CADM2: variants seen among roughly 807,000 people sequenced by gnomAD.
CADM2 encodes the protein immunoglobulin superfamily member 4D.
Under a neutral mutation model 49.8 loss-of-function variants are expected in CADM2, and 12 were observed. That is an observed-to-expected ratio of 0.24 (90% CI 0.15 to 0.39). The LOEUF (loss-of-function observed/expected upper bound fraction) is 0.39. Ranked by LOEUF, CADM2 falls within the 10% of genes least tolerant of loss-of-function variation. The pLI is 1.00. For missense variants in CADM2, 378 were observed against 492.3 expected, an observed-to-expected ratio of 0.77 and a Z score of 2.20; for synonymous variants, 214 against 175.4, an observed-to-expected ratio of 1.22 and a Z score of -1.74.
chr3:85,616,340 A>G lies in CADM2; in HGVS notation c.62-110182A>G, dbSNP rs549727448. Among the ~76,000 whole-genome samples the G allele has an allele frequency of 2.6e-5, 4 of 152,232 alleles. No individual in the cohort carries two copies. The South Asian group carries it at 8.3e-4, about 32-fold the overall frequency. ...AAGTATAGCATAAAATAGAATTTAC[A>G]TACATATAAATAGCATTCAAAAGAA... On this transcript the variant is annotated intron_variant, in intron 1 of 9. Coordinates refer to ENST00000383699, the MANE Select transcript of CADM2 (RefSeq NM_001167675.2).
intron 1 of CADM2, among the ~76,000 whole-genome samples, chr3:85,403,039 A>G (rs2035195096): frequency 6.6e-6 from 1 of 152,166 alleles, no homozygotes; most frequent in Non-Finnish European, 1.5e-5. Flanking sequence ...GGTTAGGGTG[A>G]AGCTATTCTC....
chr3:85,522,393 G>A (rs905861257), intron 1 of CADM2, among the ~76,000 whole-genome samples: 1 of 152,066 alleles, frequency 6.6e-6, no homozygotes, highest in Non-Finnish European at 1.5e-5. Context: ...AATGCTTCAT[G>A]CAGTTCGTCC....
chr3:86,050,852 C>T (rs1737251690), intron 8 of CADM2, among the ~76,000 whole-genome samples: 1 of 152,172 alleles, frequency 6.6e-6, no homozygotes, highest in Non-Finnish European at 1.5e-5. Flanking sequence ...CCTAGGAGGA[C>T]AGAACGAAAC....
intron 1 of CADM2, among the ~76,000 whole-genome samples, chr3:85,023,246 CT>C (rs1380960007): frequency 2.6e-5 from 4 of 151,878 alleles, no homozygotes. Flanking sequence ...TGTTTTTGTT[CT>C]GTTTGTTTGG....
intron 1 of CADM2, among the ~76,000 whole-genome samples, chr3:85,222,550 G>A (rs374745195): frequency 5.3e-5 from 8 of 152,002 alleles, no homozygotes; most frequent in South Asian, 2.1e-4. Context: ...CACCTCTTTC[G>A]CTGTCACATA....
chr3:85,438,123 A>C (rs1218845754), intron 1 of CADM2, among the ~76,000 whole-genome samples: 1 of 152,032 alleles, frequency 6.6e-6, no homozygotes, highest in African/African-American at 2.4e-5. Flanking sequence ...TTGAATTCTT[A>C]TTTATTTATT....
intron 2 of CADM2, among the ~76,000 whole-genome samples, chr3:85,741,580 A>G (rs1280457794): frequency 1.3e-5 from 2 of 152,168 alleles, no homozygotes; most frequent in African/African-American, 4.8e-5. Context: ...AGGCAGGAGA[A>G]TCACTTGAAC....
chr3:85,055,966 A>G (rs187342972), intron 1 of CADM2, among the ~76,000 whole-genome samples: 4 of 152,200 alleles, frequency 2.6e-5, no homozygotes, highest in African/African-American at 9.6e-5. Context: ...AAATCAAATT[A>G]TAATAGCCCA....
intron 1 of CADM2, among the ~76,000 whole-genome samples, chr3:85,050,641 G>T (rs925440623): frequency 1.3e-5 from 2 of 152,156 alleles, no homozygotes; most frequent in African/African-American, 2.4e-5. Context: ...AATATGGTCT[G>T]TAGGTAGCAG....
intron 1 of CADM2, among the ~76,000 whole-genome samples, chr3:85,049,786 G>T (rs930610059): frequency 1.3e-5 from 2 of 152,132 alleles, no homozygotes; most frequent in African/African-American, 4.8e-5. Flanking sequence ...GTGTTCAGTT[G>T]TTCCTGAAAA....
chr3:85,811,527 T>A (rs1356166941), intron 3 of CADM2, among the ~76,000 whole-genome samples: 2 of 152,204 alleles, frequency 1.3e-5, no homozygotes, highest in South Asian at 2.1e-4. Flanking sequence ...CTATTTCATG[T>A]TGAATAGAGC....
intron 1 of CADM2, among the ~76,000 whole-genome samples, chr3:85,276,688 T>C (rs2043363942): frequency 6.6e-6 from 1 of 151,044 alleles, no homozygotes; most frequent in Non-Finnish European, 1.5e-5. Flanking sequence ...TGTTTTAAGG[T>C]GGTTTATGAA....
At position 86,014,341 on chromosome 3, in the gene CADM2, G is replaced by A. The variant is rs12629171; in HGVS notation, c.971-51264G>A. 6.2e-3 allele frequency: 8,574 copies of A among 1,389,072 alleles called. 225 individuals carry two copies. In the African/African-American group the frequency reaches 0.062, roughly 10 times the overall value. The allele number at this position is 1,389,072 out of a possible 1,614,324, so 86.0% of individuals were successfully genotyped here. ...AGAGCCTTTGGGGAAAATCTCCAGGGGCAAACCTCTGATGTCTTATTTGCA... is the reference window on the plus strand; with the variant it reads ...AGAGCCTTTGGGGAAAATCTCCAGGAGCAAACCTCTGATGTCTTATTTGCA... On this transcript the variant is annotated intron_variant, in intron 8 of 9. Transcript: ENST00000383699.
intron 1 of CADM2, among the ~76,000 whole-genome samples, chr3:85,527,832 C>G (rs1242741642): frequency 6.6e-6 from 1 of 152,194 alleles, no homozygotes; most frequent in Non-Finnish European, 1.5e-5. Flanking sequence ...ATTAACAATA[C>G]TCTGAATCAT....
In CADM2 at chr3:85,290,097, T is replaced by G. The variant is rs111289613; in HGVS notation, c.61+330429T>G. ...CAGTGGGTGTGTGCACCGTGGGCGA[T>G]CCGAAGCAGGGTGAGGCATTGCTTC... On this transcript the variant is annotated intron_variant, in intron 1 of 9. Coordinates refer to ENST00000383699, the MANE Select transcript of CADM2 (RefSeq NM_001167675.2). Among the ~76,000 whole-genome samples, 1,059 of 152,018 alleles carry G rather than the reference T, an allele frequency of 7.0e-3. 10 individuals are homozygous for G. The highest frequency in any genetic ancestry group is 0.023 in the African/African-American group (970 of 41,478).
At chr3:85,144,402 A>G (rs2039669983) in intron 1 of CADM2, among the ~76,000 whole-genome samples, 1 of 151,978 alleles carries the variant, frequency 6.6e-6, no homozygotes, top group Non-Finnish European at 1.5e-5. Context: ...CTTGAGATCA[A>G]GGGTTCGTGA....
At chr3:85,623,701 A>T (rs2064041080) in intron 1 of CADM2, among the ~76,000 whole-genome samples, 1 of 152,166 alleles carries the variant, frequency 6.6e-6, no homozygotes, top group Admixed American at 6.6e-5. Context: ...TGATATATAA[A>T]CCCAAATGTT....
At chr3:85,880,028 T>A (rs1222114749) in intron 3 of CADM2, among the ~76,000 whole-genome samples, 3 of 152,190 alleles carry the variant, frequency 2.0e-5, no homozygotes, top group Non-Finnish European at 2.9e-5. Flanking sequence ...CCATCCCTAG[T>A]CCTTGGCAAC....
chr3:85,669,159 G>A (rs1356329473), intron 1 of CADM2, among the ~76,000 whole-genome samples: 3 of 151,718 alleles, frequency 2.0e-5, no homozygotes, highest in Non-Finnish European at 2.9e-5. Context: ...TATTCTTCTT[G>A]TTTTAAGGAA....
Sources: allele counts gnomAD v4.1 joint callset (sites outside exome capture counted in the v4.1 genomes callset), GRCh38; gene constraint gnomAD v4.1.1; transcripts MANE v1.5; gene names NCBI Gene and HGNC (gene_info 2026-07-23, HGNC 2026-07-21).